The following THSD7A variants were observed in gnomAD, a reference collection of about 807,000 sequenced individuals.
The protein encoded by THSD7A is thrombospondin type 1 domain containing 7A, also known as thrombospondin type-1 domain-containing protein 7A.
In THSD7A, 96 loss-of-function variants were observed where a neutral mutation model predicts 231.3. The observed-to-expected ratio is 0.41, with a 90% confidence interval of 0.35 to 0.49. The LOEUF is 0.49. Ranked by LOEUF, THSD7A falls within the 20% of genes least tolerant of loss-of-function variation. The probability of loss-of-function intolerance (pLI) is 0.05; values close to 1 mark genes in which losing one functional copy is unlikely to be tolerated. For missense variants in THSD7A, 2,290 were observed against 2,070.2 expected (o/e 1.11, Z -2.06); for synonymous variants, 940 against 743.3 (o/e 1.26, Z -4.30).
chr7:11,657,099 T>C (rs1035457318), intron 1 of THSD7A, among the ~76,000 whole-genome samples: 9 of 151,794 alleles, frequency 5.9e-5, no homozygotes, highest in Non-Finnish European at 1.0e-4. Context: ...GCCTTAAAAA[T>C]GTGCTTTAAA....
intron 1 of THSD7A, among the ~76,000 whole-genome samples, chr7:11,787,945 G>C (rs1352409481): frequency 6.6e-6 from 1 of 151,960 alleles, no homozygotes. Context: ...CCACTCTCAG[G>C]CATTAGTTCC....
At chr7:11,414,492 G>A (rs1315934005) in intron 17 of THSD7A, among the ~76,000 whole-genome samples, 1 of 152,142 alleles carries the variant, frequency 6.6e-6, no homozygotes, top group African/African-American at 2.4e-5. Context: ...TTCCCTAGAA[G>A]TGTCTATTTC....
intron 2 of THSD7A, among the ~76,000 whole-genome samples, chr7:11,615,982 A>G (rs551571245): frequency 2.8e-4 from 42 of 152,310 alleles, no homozygotes; most frequent in Admixed American, 7.8e-4. Context: ...TTTACTGTGT[A>G]CAGAGTAAGA....
At chr7:11,673,716 G>A (rs1014946286) in intron 1 of THSD7A, among the ~76,000 whole-genome samples, 5 of 152,274 alleles carry the variant, frequency 3.3e-5, no homozygotes, top group East Asian at 1.9e-4. Flanking sequence ...CACAAAACTG[G>A]ACTGGGAAGG....
intron 6 of THSD7A, among the ~76,000 whole-genome samples, chr7:11,535,290 T>C (rs1788867522): frequency 6.6e-6 from 1 of 152,148 alleles, no homozygotes; most frequent in East Asian, 1.9e-4. Flanking sequence ...AAGTATTTTT[T>C]ACTAAGATAT....
At chr7:11,751,828 C>T (rs1175661179) in intron 1 of THSD7A, among the ~76,000 whole-genome samples, 3 of 152,020 alleles carry the variant, frequency 2.0e-5, no homozygotes, top group Admixed American at 6.6e-5. Context: ...TTATATGAAT[C>T]GGTCCCATCC....
intron 1 of THSD7A, among the ~76,000 whole-genome samples, chr7:11,694,340 G>A (rs571663225): frequency 3.8e-4 from 58 of 151,570 alleles, no homozygotes; most frequent in African/African-American, 1.3e-3. Flanking sequence ...TTGGGCCTGC[G>A]GGACCACCAC....
intron 2 of THSD7A, among the ~76,000 whole-genome samples, chr7:11,606,213 AG>A (rs1263634637): frequency 6.6e-6 from 1 of 152,180 alleles, no homozygotes; most frequent in African/African-American, 2.4e-5. Context: ...AACAGGGTAT[AG>A]GCCAGTTTTG....
intron 2 of THSD7A, among the ~76,000 whole-genome samples, chr7:11,594,417 G>C (rs1562754607): frequency 6.6e-6 from 1 of 152,138 alleles, no homozygotes; most frequent in South Asian, 2.1e-4. Flanking sequence ...GGGATTTCTG[G>C]AGTTGGCTGC....
At chr7:11,517,374 G>A (rs1354751322) in intron 6 of THSD7A, among the ~76,000 whole-genome samples, 13 of 151,784 alleles carry the variant, frequency 8.6e-5, no homozygotes, top group Admixed American at 5.3e-4. Context: ...CACCATGCCC[G>A]GCCCCCATAT....
At chr7:11,755,205 C>T (rs541286297) in intron 1 of THSD7A, among the ~76,000 whole-genome samples, 1 of 152,064 alleles carries the variant, frequency 6.6e-6, no homozygotes, top group East Asian at 1.9e-4. Context: ...AAAGAATTAT[C>T]TAGTCAAAAA....
At chr7:11,426,995 A>T (rs576433979) in intron 14 of THSD7A, among the ~76,000 whole-genome samples, 18 of 152,326 alleles carry the variant, frequency 1.2e-4, no homozygotes, top group African/African-American at 4.3e-4. Flanking sequence ...TATATGATGC[A>T]AATAACTTGT....
intron 1 of THSD7A, among the ~76,000 whole-genome samples, chr7:11,772,188 T>G (rs1019409555): frequency 6.8e-6 from 1 of 146,506 alleles, no homozygotes; most frequent in African/African-American, 2.6e-5. Flanking sequence ...GTCAGAATTA[T>G]TATTATTAAA....
Position 11,516,060 on chromosome 7 carries a change from C to T in THSD7A, c.1822+25359G>A, listed in dbSNP as rs371803957. 5.3e-5 allele frequency among the ~76,000 whole-genome samples: 8 copies of T among 152,070 alleles called. No homozygotes were observed. The South Asian group carries it at 1.0e-3, about 20-fold the overall frequency. On this transcript the variant is annotated intron_variant, in intron 6 of 27. Coordinates refer to ENST00000423059, the MANE Select transcript of THSD7A (RefSeq NM_015204.3). Reference sequence around the variant, plus strand: ...TGATCATTTTTAAAAGTGATTTTTCCGTTTTCCTTTCTAAATTTGAGATTT... The same window carrying T: ...TGATCATTTTTAAAAGTGATTTTTCTGTTTTCCTTTCTAAATTTGAGATTT...
In THSD7A at chr7:11,410,012, G is replaced by A. The variant is rs142298880; in HGVS notation, c.3798+1195C>T. On this transcript the variant is annotated intron_variant, in intron 19 of 27. Transcript: ENST00000423059. The stretch of plus-strand genomic sequence containing the variant: ...CCGACTGAGCCTCCCAAAGTGCTGG[G>A]ATTAGAGGCTTGAGCCACCCTACTC... Among the ~76,000 whole-genome samples, 989 of 152,210 alleles carry A rather than the reference G, an allele frequency of 6.5e-3. 9 individuals carry two copies. The highest frequency in any genetic ancestry group is 0.023 in the African/African-American group (935 of 41,532).
Position 11,437,892 on chromosome 7 carries a change from G to A in THSD7A, c.3064+8169C>T, listed in dbSNP as rs528385209. ...TGGGTTATTCTCTACCCATATTCAT[G>A]ATTATATTTATCAGTTTTATCTTGA... On this transcript the variant is annotated intron_variant, in intron 13 of 27. Transcript: ENST00000423059. Among the ~76,000 whole-genome samples the A allele has an allele frequency of 2.0e-5, 3 of 152,086 alleles. No individual in the cohort carries two copies. The South Asian group carries it at 6.2e-4, about 32-fold the overall frequency.
chr7:11,635,277 T>C (rs1781792775), intron 2 of THSD7A, among the ~76,000 whole-genome samples: 1 of 152,148 alleles, frequency 6.6e-6, no homozygotes, highest in Admixed American at 6.5e-5. Flanking sequence ...TTCAGTTCAA[T>C]CCAAATCATA....
chr7:11,543,169 G>A, intron 4 of THSD7A, 52 bp from the exon 5 acceptor site: 1 of 1,507,046 alleles, frequency 6.6e-7, no homozygotes, highest in Non-Finnish European at 9.1e-7. Flanking sequence ...GAACATATAT[G>A]GCCAACAATA....
chr7:11,390,559 A>G (rs1340452446), intron 23 of THSD7A, among the ~76,000 whole-genome samples: 1 of 152,174 alleles, frequency 6.6e-6, no homozygotes, highest in East Asian at 1.9e-4. Context: ...ATGCTCTTTT[A>G]GCTCAGAGGA....
Sources: allele counts gnomAD v4.1 joint callset (sites outside exome capture counted in the v4.1 genomes callset), GRCh38; gene constraint gnomAD v4.1.1; transcripts MANE v1.5; gene names NCBI Gene and HGNC (gene_info 2026-07-23, HGNC 2026-07-21).